Variants in PARD3 observed in about 807,000 individuals in gnomAD.
PARD3 encodes partitioning defective 3 homolog.
Under a neutral mutation model 155.4 loss-of-function variants are expected in PARD3, and 75 were observed. The observed-to-expected ratio is 0.48, with a 90% confidence interval of 0.40 to 0.58. The LOEUF is 0.58. Among genes scored for constraint, PARD3 ranks in the 20% least tolerant of loss-of-function variants. PARD3 has a pLI of 0.00. For missense variants in PARD3, 1,642 were observed against 1,721.7 expected, an observed-to-expected ratio of 0.95 and a Z score of 0.82; for synonymous variants, 576 against 610.5, an observed-to-expected ratio of 0.94 and a Z score of 0.83.
intron 22 of PARD3, among the ~76,000 whole-genome samples, chr10:34,181,874 C>T (rs1001985493): frequency 2.0e-5 from 3 of 152,080 alleles, no homozygotes; most frequent in Admixed American, 2.0e-4. Context: ...ATTTTAACAT[C>T]AAGATTCTTC....
intron 2 of PARD3, among the ~76,000 whole-genome samples, chr10:34,646,637 G>A (rs1376436426): frequency 6.6e-6 from 1 of 152,130 alleles, no homozygotes; most frequent in Non-Finnish European, 1.5e-5. Context: ...AGATGGGAGC[G>A]TTTCCCACAT....
At chr10:34,518,221 G>T (rs886293853) in intron 2 of PARD3, among the ~76,000 whole-genome samples, 6 of 152,082 alleles carry the variant, frequency 3.9e-5, no homozygotes, top group Non-Finnish European at 8.8e-5. Flanking sequence ...TAAATACACC[G>T]ACAAATGGGT....
intron 5 of PARD3, among the ~76,000 whole-genome samples, chr10:34,408,022 C>T (rs1340458488): frequency 6.6e-6 from 1 of 152,006 alleles, no homozygotes; most frequent in African/African-American, 2.4e-5. Flanking sequence ...CACTATAAAA[C>T]TTAATCTAGA....
intron 1 of PARD3, among the ~76,000 whole-genome samples, chr10:34,739,679 T>C (rs1310397616): frequency 1.3e-5 from 2 of 152,168 alleles, no homozygotes; most frequent in Non-Finnish European, 2.9e-5. Context: ...TGGAATGTTC[T>C]AGAATGAATC....
intron 22 of PARD3, among the ~76,000 whole-genome samples, chr10:34,223,539 GA>G (rs1199346505): frequency 6.6e-6 from 1 of 152,146 alleles, no homozygotes; most frequent in Non-Finnish European, 1.5e-5. Flanking sequence ...GGGGGAAGGC[GA>G]ACAGGGTGAG....
chr10:34,111,533 G>A lies in PARD3; in HGVS notation c.3698C>T (p.Ser1233Phe), dbSNP rs772939644. The change falls in exon 25 of 25, where the codon TCC (serine) becomes TTC (phenylalanine). Residue 1233 changes from serine to phenylalanine, a missense_variant. Around this residue, in one of 3 missense-constraint regions of PARD3, gnomAD observed 1,529 missense variants for 1,587.3 expected, o/e 0.96. Transcript: ENST00000374788. ...RQSRKNASSV[S>F]QDSWEQNYSP... ...GTAGTTCTGCTCCCAAGAGTCCTGGGAGACCGAGCTGGCATTTTTCCTGCT... is the reference window on the plus strand; with the variant it reads ...GTAGTTCTGCTCCCAAGAGTCCTGGAAGACCGAGCTGGCATTTTTCCTGCT... 1 of 1,600,480 alleles carries A rather than the reference G, an allele frequency of 6.2e-7. No individual in the cohort carries two copies.
intron 15 of PARD3, among the ~76,000 whole-genome samples, chr10:34,342,658 G>A (rs1836957525): frequency 6.6e-6 from 1 of 152,186 alleles, no homozygotes; most frequent in Non-Finnish European, 1.5e-5. Flanking sequence ...GACTGAGGAT[G>A]TTGGGATGGC....
At chr10:34,736,649 A>T (rs10734017) in intron 1 of PARD3, among the ~76,000 whole-genome samples, 76,720 of 140,624 alleles carry the variant, frequency 0.55, 23,054 homozygotes, top group East Asian at 0.68. Flanking sequence ...TTTATTAATT[A>T]ATTAATTTAT....
At chr10:34,745,934 A>G (rs1835259692) in intron 1 of PARD3, among the ~76,000 whole-genome samples, 1 of 152,128 alleles carries the variant, frequency 6.6e-6, no homozygotes, top group Non-Finnish European at 1.5e-5. Context: ...CCCCGCCTCT[A>G]CTAAAAAAAT....
chr10:34,642,285 G>A (rs913388178), intron 2 of PARD3, among the ~76,000 whole-genome samples: 2 of 151,974 alleles, frequency 1.3e-5, no homozygotes, highest in African/African-American at 2.4e-5. Flanking sequence ...CAACTACCAC[G>A]TCAAAGGGCC....
chr10:34,754,200 C>A (rs575364751), intron 1 of PARD3, among the ~76,000 whole-genome samples: 8 of 152,174 alleles, frequency 5.3e-5, no homozygotes, highest in Non-Finnish European at 1.0e-4. Flanking sequence ...GAGATGGGAT[C>A]TTGCTATGTT....
intron 2 of PARD3, among the ~76,000 whole-genome samples, chr10:34,552,321 T>C (rs2084646299): frequency 1.3e-5 from 2 of 152,226 alleles, no homozygotes; most frequent in Admixed American, 1.3e-4. Context: ...AGGCTGGAGT[T>C]AAACTATGGC....
intron 1 of PARD3, among the ~76,000 whole-genome samples, chr10:34,792,273 C>G (rs1236548301): frequency 6.6e-6 from 1 of 152,110 alleles, no homozygotes; most frequent in Non-Finnish European, 1.5e-5. Flanking sequence ...AAGAAAAGTA[C>G]AAGGTCTCGC....
intron 5 of PARD3, among the ~76,000 whole-genome samples, chr10:34,447,520 G>A (rs1048048514): frequency 7.6e-4 from 65 of 85,176 alleles, no homozygotes; most frequent in Admixed American, 2.9e-3. Context: ...AAAAAAAAAA[G>A]GGCCAGTTGC....
intron 2 of PARD3, among the ~76,000 whole-genome samples, chr10:34,623,478 G>A (rs1008675145): frequency 6.6e-6 from 1 of 152,072 alleles, no homozygotes; most frequent in African/African-American, 2.4e-5. Flanking sequence ...TGAAAACAAA[G>A]CATCTCTATT....
At chr10:34,506,074 C>T (rs7923471) in intron 3 of PARD3, among the ~76,000 whole-genome samples, 11,179 of 151,814 alleles carry the variant, frequency 0.074, 1,260 homozygotes, top group African/African-American at 0.25. Flanking sequence ...CGCGGTGAGC[C>T]GAGATGGCAC....
Position 34,120,183 on chromosome 10 carries a change from A to ATTTTTT in PARD3, c.3541-449_3541-444dup, listed in dbSNP as rs57670906. On this transcript the variant is annotated intron_variant, in intron 23 of 24. Coordinates refer to ENST00000374788, the MANE Select transcript of PARD3 (RefSeq NM_001184785.2). ...AAGCACAGGCCACCATGCCTGGCTAATTTTTTTTTTTTTTTTTTTTTTGGT... is the reference window on the plus strand; with the variant it reads ...AAGCACAGGCCACCATGCCTGGCTAATTTTTTTTTTTTTTTTTTTTTTTTTTTTGGT... Among the ~76,000 whole-genome samples the ATTTTTT allele has an allele frequency of 2.0e-3, 226 of 113,624 alleles. 1 individual carries two copies. Among genetic ancestry groups the ATTTTTT allele is most frequent in the African/African-American group, 7.0e-3 (214 of 30,430 alleles). 74.5% of individuals were successfully genotyped at this position (113,624 alleles called of 152,430 possible). A position where few individuals can be genotyped will look rare whatever the true frequency, so the allele number is the denominator to read the frequency against.
intron 12 of PARD3, among the ~76,000 whole-genome samples, chr10:34,371,796 A>G (rs923323891): frequency 6.6e-6 from 1 of 152,072 alleles, no homozygotes; most frequent in Non-Finnish European, 1.5e-5. Flanking sequence ...CCTGATTGTT[A>G]GAATTTCTAC....
At chr10:34,608,874 A>G (rs1215548870) in intron 2 of PARD3, among the ~76,000 whole-genome samples, 1 of 152,152 alleles carries the variant, frequency 6.6e-6, no homozygotes, top group Non-Finnish European at 1.5e-5. Flanking sequence ...AACAATTTAC[A>G]TAGCATTTAT....
Sources: allele counts gnomAD v4.1 joint callset (sites outside exome capture counted in the v4.1 genomes callset), GRCh38; gene constraint gnomAD v4.1.1; regional missense constraint gnomAD v4.1.1; transcripts MANE v1.5; gene names NCBI Gene and HGNC (gene_info 2026-07-23, HGNC 2026-07-21).